NPAT: variants seen among roughly 807,000 people sequenced by gnomAD.
NPAT encodes the protein nuclear protein, coactivator of histone transcription, also known as protein NPAT.
NPAT carries 52 observed loss-of-function variants against 130.7 expected under a neutral mutation model. That is an observed-to-expected ratio of 0.40 (90% CI 0.32 to 0.50). The LOEUF (loss-of-function observed/expected upper bound fraction) is 0.50. NPAT is among the 20% of genes least tolerant of loss of function. NPAT has a pLI of 0.68. For missense variants in NPAT, 1,687 were observed against 1,662.6 expected (o/e 1.01, Z -0.26); for synonymous variants, 580 against 584.8 (o/e 0.99, Z 0.12).
At position 108,157,581 on chromosome 11, in the gene NPAT, T is replaced by C. The variant is rs1486483214; in HGVS notation, c.*1361A>G. ...AAGACATGATTTCTACACTGAGAAA[T>C]GTTGTGTTAAAGTTGGATGGATTTA... is the stretch of plus-strand genomic sequence containing the variant. On this transcript the variant is annotated 3_prime_UTR_variant, in exon 18 of 18. Coordinates refer to ENST00000278612, the MANE Select transcript of NPAT (RefSeq NM_002519.3). 6.6e-6 allele frequency: 1 copy of C among 152,062 alleles called. No homozygotes were observed. Among genetic ancestry groups the C allele is most frequent in the Non-Finnish European group, 1.5e-5 (1 of 67,938 alleles). 9.4% of individuals were successfully genotyped at this position (152,062 alleles called of 1,614,324 possible).
rs1275992486 is a variant in NPAT at position 108,172,319 on chromosome 11, C to T, written c.2665G>A (p.Val889Met). The change falls in exon 13 of 18, where the codon GTG (valine) becomes ATG (methionine). Residue 889 changes from valine to methionine, a missense_variant. Physicochemically the swap from Val to Met is conservative, Grantham distance 21 (BLOSUM62 1). Transcript: ENST00000278612. ...ATAGGTGCAGAATTTCCAGGCAACA[C>T]CACTACATTAGACTGACTTACAGAT... ...GTSVSQSNVV[V>M]LPGNSAPMTA... The T allele has an allele frequency of 3.7e-6, 6 of 1,614,064 alleles. No homozygotes were observed. Among genetic ancestry groups the T allele is most frequent in the Non-Finnish European group, 5.1e-6 (6 of 1,180,032 alleles).
At chr11:108,214,206 T>C (rs962177453) in intron 1 of NPAT, among the ~76,000 whole-genome samples, 7 of 152,064 alleles carry the variant, frequency 4.6e-5, no homozygotes, top group Non-Finnish European at 8.8e-5. Context: ...GCATTTTTCA[T>C]AACAGTGTCC....
chr11:108,172,869 A>G lies in NPAT; in HGVS notation c.2115T>C (p.Ser705=), dbSNP rs773355637. Residue 705 remains serine (S), a synonymous_variant, in exon 13 of 18, where the codon TCT becomes TCC. Transcript: ENST00000278612. ...VENSHSLPPE[S]VCSSVGDSHP... ...GAGAATCTCCCACTGAAGAACACAC[A>G]GATTCTGGAGGAAGAGAGTGACTGT... The G allele has an allele frequency of 1.9e-6, 3 of 1,614,114 alleles. No homozygotes were observed. Among genetic ancestry groups the G allele is most frequent in the South Asian group, 1.1e-5 (1 of 91,086 alleles).
At chr11:108,183,923 G>A (rs1020139959) in intron 10 of NPAT, among the ~76,000 whole-genome samples, 1 of 151,582 alleles carries the variant, frequency 6.6e-6, no homozygotes, top group Non-Finnish European at 1.5e-5. Flanking sequence ...GCTGTGAGCC[G>A]TGATTGAGCC....
chr11:108,164,481 A>G (rs1290379936), intron 15 of NPAT, among the ~76,000 whole-genome samples: 1 of 152,192 alleles, frequency 6.6e-6, no homozygotes, highest in Non-Finnish European at 1.5e-5. Flanking sequence ...TGTGGGCTCT[A>G]GGCTGTTTAG....
chr11:108,189,424 G>C, intron 5 of NPAT, 94 bp from the exon 6 acceptor site: 1 of 992,584 alleles, frequency 1.0e-6, no homozygotes. Context: ...ATATAACAAC[G>C]TGTTACATCC....
chr11:108,172,945 G>T lies in NPAT; in HGVS notation c.2039C>A (p.Ala680Asp), dbSNP rs768713292. Residue 680 changes from alanine to aspartate, a missense_variant, in exon 13 of 18, where the codon GCT becomes GAT. This residue lies in a region of NPAT where 1,379 missense variants were observed against 1,346.6 expected (regional missense o/e 1.02). Coordinates refer to ENST00000278612, the MANE Select transcript of NPAT (RefSeq NM_002519.3). ...NTIFLSLGGNANCEKVALTPP... is the reference protein window; with the variant it reads ...NTIFLSLGGNDNCEKVALTPP... The stretch of plus-strand genomic sequence containing the variant: ...CGTCAGTGCAACTTTCTCACAGTTA[G>T]CATTTCCACCTAAAGAGAGAAAAAT... 2 of 1,614,122 alleles carry T rather than the reference G, an allele frequency of 1.2e-6. No individual in the cohort carries two copies. The highest frequency in any genetic ancestry group is 1.7e-6 in the Non-Finnish European group (2 of 1,180,022).
In NPAT at chr11:108,183,393, T is replaced by C. The variant is rs532428460; in HGVS notation, c.906+1839A>G. Among the ~76,000 whole-genome samples the C allele has an allele frequency of 1.3e-4, 20 of 152,296 alleles. No individual in the cohort carries two copies. In the Middle Eastern group the frequency reaches 0.01, roughly 78 times the overall value. ...CTCAATGGCTTTACTCAGAATTCAATTGAAAGAAAACCTGCTCTAATACAC... is the reference window on the plus strand; with the variant it reads ...CTCAATGGCTTTACTCAGAATTCAACTGAAAGAAAACCTGCTCTAATACAC... On this transcript the variant is annotated intron_variant, in intron 10 of 17. Coordinates refer to ENST00000278612, the MANE Select transcript of NPAT (RefSeq NM_002519.3).
intron 15 of NPAT, among the ~76,000 whole-genome samples, chr11:108,164,269 A>G (rs781440516): frequency 6.6e-6 from 1 of 152,222 alleles, no homozygotes; most frequent in Non-Finnish European, 1.5e-5. Context: ...ATGATTGCCA[A>G]GTGGAAGGTG....
At position 108,173,348 on chromosome 11, in the gene NPAT, TAGATGGCTTTCCAGTTAATGA is replaced by T. The variant is rs1212109353; in HGVS notation, c.1615_1635del (p.Ser539_Ser545del). 1 of 1,613,524 alleles carries T rather than the reference TAGATGGCTTTCCAGTTAATGA, an allele frequency of 6.2e-7. No individual in the cohort carries two copies. Among genetic ancestry groups the T allele is most frequent in the African/African-American group, 1.3e-5 (1 of 75,042 alleles). On this transcript the variant is annotated inframe_deletion, in exon 13 of 18. Coordinates refer to ENST00000278612, the MANE Select transcript of NPAT (RefSeq NM_002519.3). ...GAATTTTCACAAAATTGACTTTTTT[TAGATGGCTTTCCAGTTAATGA>T]AGTATCTTGGGATAAAAGTTGAGAA...
chr11:108,159,783 C>A (rs1333445324), intron 17 of NPAT, among the ~76,000 whole-genome samples: 2 of 151,186 alleles, frequency 1.3e-5, no homozygotes, highest in Non-Finnish European at 2.9e-5. Context: ...GGCCAAGGTG[C>A]GCAGATCACT....
At chr11:108,211,022 C>T (rs552049439) in intron 1 of NPAT, among the ~76,000 whole-genome samples, 2 of 151,764 alleles carry the variant, frequency 1.3e-5, no homozygotes, top group East Asian at 3.9e-4. Flanking sequence ...AGATTGAGAC[C>T]ATCCTGGCCA....
chr11:108,173,101 G>A lies in NPAT; in HGVS notation c.1883C>T (p.Ser628Leu), dbSNP rs764143844. The A allele has an allele frequency of 6.8e-6, 11 of 1,613,880 alleles. No individual in the cohort carries two copies. The highest frequency in any genetic ancestry group is 4.0e-5 in the African/African-American group (3 of 74,932). ...SGQVEIHLGD[S>L]LSSTKQPSND... is the part of the protein sequence containing the mutation. ...AGATGGTTGTTTAGTAGAAGACAGC[G>A]AATCTCCAAGATGAATTTCTACTTG... is the stretch of plus-strand genomic sequence containing the variant. The change falls in exon 13 of 18, where the codon TCG (serine) becomes TTG (leucine). Residue 628 changes from serine to leucine, a missense_variant. Ser to Leu is a moderately radical substitution (Grantham distance 145). Transcript: ENST00000278612.
intron 17 of NPAT, among the ~76,000 whole-genome samples, 194 bp downstream of exon 17, chr11:108,160,686 A>C (rs1209749668): frequency 2.0e-5 from 3 of 152,164 alleles, no homozygotes; most frequent in Non-Finnish European, 4.4e-5. Flanking sequence ...TTGTTGCCCT[A>C]CAAGTCTGAG....
At chr11:108,201,532 C>T (rs1300400807) in intron 1 of NPAT, among the ~76,000 whole-genome samples, 1 of 152,162 alleles carries the variant, frequency 6.6e-6, no homozygotes, top group Non-Finnish European at 1.5e-5. Context: ...CCAACTCAGG[C>T]CCAAGGTCCA....
At chr11:108,218,911 A>C (rs1054970864) in intron 1 of NPAT, among the ~76,000 whole-genome samples, 1 of 152,244 alleles carries the variant, frequency 6.6e-6, no homozygotes, top group African/African-American at 2.4e-5. Flanking sequence ...TATATTATTA[A>C]ATAAACAAAG....
intron 4 of NPAT, 79 bp from the exon 5 acceptor site, chr11:108,190,579 C>T: frequency 7.6e-7 from 1 of 1,317,834 alleles, no homozygotes; most frequent in Non-Finnish European, 1.1e-6. Context: ...ACAGTCAGAC[C>T]TCAAGTTAGT....
chr11:108,219,091 G>A (rs2078460144), intron 1 of NPAT, among the ~76,000 whole-genome samples: 1 of 152,140 alleles, frequency 6.6e-6, no homozygotes, highest in African/African-American at 2.4e-5. Context: ...TCTACTGTAT[G>A]ACATAAAGCT....
chr11:108,194,682 GCT>G (rs1448908812), intron 2 of NPAT, among the ~76,000 whole-genome samples: 2 of 152,136 alleles, frequency 1.3e-5, no homozygotes, highest in African/African-American at 2.4e-5. Context: ...ACAGGGTCTT[GCT>G]CTGTCACACA....
Sources: allele counts gnomAD v4.1 joint callset (sites outside exome capture counted in the v4.1 genomes callset), GRCh38; gene constraint gnomAD v4.1.1; regional missense constraint gnomAD v4.1.1; transcripts MANE v1.5; gene names NCBI Gene and HGNC (gene_info 2026-07-23, HGNC 2026-07-21).